Variants in CSMD1 observed in about 807,000 individuals in gnomAD.
CSMD1 encodes the protein CUB and sushi domain-containing protein 1.
A neutral mutation model predicts 417.5 loss-of-function variants in CSMD1; 213 were observed. That is an observed-to-expected ratio of 0.51 (90% CI 0.46 to 0.57). The LOEUF (loss-of-function observed/expected upper bound fraction) is 0.57, where lower values mean the gene tolerates loss of function less well. Among genes scored for constraint, CSMD1 ranks in the 20% least tolerant of loss-of-function variants. The pLI, the probability that CSMD1 is intolerant of heterozygous loss-of-function variation, is 0.00. For missense variants in CSMD1, 6,923 were observed against 4,529.7 expected, an observed-to-expected ratio of 1.53 and a Z score of -15.17; for synonymous variants, 2,862 against 1,736.8, an observed-to-expected ratio of 1.65 and a Z score of -16.11.
chr8:3,714,208 T>C (rs1384452797), intron 6 of CSMD1, among the ~76,000 whole-genome samples: 1 of 150,812 alleles, frequency 6.6e-6, no homozygotes, highest in African/African-American at 2.4e-5. Context: ...ATATAACATA[T>C]AAATGAATCT....
At chr8:3,635,504 G>C (rs553477495) in intron 7 of CSMD1, among the ~76,000 whole-genome samples, 1 of 132,008 alleles carries the variant, frequency 7.6e-6, no homozygotes, top group East Asian at 2.4e-4. Context: ...TTTTTTTTGA[G>C]ACAGAAACTC....
At chr8:2,999,279 C>G (rs1296839061) in intron 53 of CSMD1, among the ~76,000 whole-genome samples, 1 of 151,524 alleles carries the variant, frequency 6.6e-6, no homozygotes, top group African/African-American at 2.4e-5. Context: ...TTCAGCCCCT[C>G]CTAGTAGCTG....
intron 3 of CSMD1, among the ~76,000 whole-genome samples, chr8:4,249,329 A>G (rs577067835): frequency 5.3e-5 from 8 of 152,204 alleles, no homozygotes; most frequent in Non-Finnish European, 8.8e-5. Context: ...ACTTGTTTCT[A>G]AGAGGATGGA....
intron 19 of CSMD1, 42 bp from the exon 20 acceptor site, chr8:3,367,289 G>C (rs758391997): frequency 2.1e-6 from 3 of 1,431,304 alleles, no homozygotes; most frequent in Non-Finnish European, 2.9e-6. Flanking sequence ...GACAGAGAGA[G>C]ACACACGGGG....
At chr8:3,953,676 T>C (rs1811734332) in intron 5 of CSMD1, among the ~76,000 whole-genome samples, 1 of 151,808 alleles carries the variant, frequency 6.6e-6, no homozygotes, top group South Asian at 2.1e-4. Context: ...CCTGGGGAAG[T>C]GATGGCGGGG....
At chr8:4,244,774 A>G (rs1016378984) in intron 3 of CSMD1, among the ~76,000 whole-genome samples, 1 of 152,150 alleles carries the variant, frequency 6.6e-6, no homozygotes. Context: ...AAAGAAAAAG[A>G]GAAGGGATAT....
At chr8:4,010,064 G>T (rs937560998) in intron 4 of CSMD1, among the ~76,000 whole-genome samples, 1 of 152,142 alleles carries the variant, frequency 6.6e-6, no homozygotes, top group African/African-American at 2.4e-5. Flanking sequence ...ATTATAAACA[G>T]AATTTCCTAC....
Position 3,348,099 on chromosome 8 carries a change from T to C in CSMD1, c.3367A>G (p.Asn1123Asp), listed in dbSNP as rs1376103681. ...GTLLSPNFPS[N>D]YDNNHECIYK... ...ATACACTCATGGTTATTATCATAAT[T>C]GGATGGAAAATTTGGAGACAGTAAT... Residue 1123 changes from asparagine (N) to aspartate (D), a missense_variant, in exon 22 of 70, where the codon AAT becomes GAT. Transcript: ENST00000635120. The C allele has an allele frequency of 1.2e-6, 2 of 1,612,786 alleles. No individual in the cohort carries two copies. Among genetic ancestry groups the C allele is most frequent in the African/African-American group, 2.7e-5 (2 of 74,890 alleles).
chr8:4,244,267 G>A (rs962267004), intron 3 of CSMD1, among the ~76,000 whole-genome samples: 2 of 152,178 alleles, frequency 1.3e-5, no homozygotes, highest in East Asian at 1.9e-4. Context: ...GGGGCACTGA[G>A]AGCAGGCCCC....
Position 3,647,695 on chromosome 8 carries a change from CAT to C in CSMD1, c.1010-30900_1010-30899del, listed in dbSNP as rs1333124861. 4.6e-5 allele frequency among the ~76,000 whole-genome samples: 7 copies of C among 152,208 alleles called. No individual in the cohort carries two copies. The South Asian group carries it at 1.5e-3, about 32-fold the overall frequency. ...AAGTTTTAGTACAGTTATTGTAAGA[CAT>C]TGATTTTCTTTGGAGAAAACAAACG... On this transcript the variant is annotated intron_variant, in intron 7 of 69. Transcript: ENST00000635120.
rs148793768 is a variant in CSMD1, at chr8:4,281,854, C to T, written c.415+138099G>A. Among the ~76,000 whole-genome samples the T allele has an allele frequency of 4.3e-4, 66 of 152,276 alleles. No individual in the cohort carries two copies. The Middle Eastern group carries it at 0.01, about 24-fold the overall frequency. Reference sequence around the variant, plus strand: ...AGAGCTGCCTCATAAACACACCTAACATGCATTAAAAAAATGTTTTGCAAA... The same window carrying T: ...AGAGCTGCCTCATAAACACACCTAATATGCATTAAAAAAATGTTTTGCAAA... On this transcript the variant is annotated intron_variant, in intron 3 of 69. Transcript: ENST00000635120.
intron 3 of CSMD1, among the ~76,000 whole-genome samples, chr8:4,223,701 TA>T (rs1378868850): frequency 6.6e-6 from 1 of 152,236 alleles, no homozygotes; most frequent in Non-Finnish European, 1.5e-5. Context: ...AGAGCCTGAA[TA>T]TTTTTTTGTT....
chr8:4,864,850 A>G (rs1359960344), intron 1 of CSMD1, among the ~76,000 whole-genome samples: 1 of 145,556 alleles, frequency 6.9e-6, no homozygotes. Flanking sequence ...AATTGGCCTA[A>G]TATCACTGAA....
chr8:3,749,122 T>C (rs1046891498), intron 6 of CSMD1, among the ~76,000 whole-genome samples: 1 of 152,184 alleles, frequency 6.6e-6, no homozygotes, highest in Admixed American at 6.5e-5. Context: ...AAAAAATTTA[T>C]CTTGTAGACA....
Position 4,153,260 on chromosome 8 carries a change from GC to G in CSMD1, c.416-121162del, listed in dbSNP as rs1796664053. On this transcript the variant is annotated intron_variant, in intron 3 of 69. Transcript: ENST00000635120. ...GAGTATGCCAGAAATGATACATACG[GC>G]TATAAAGACAGAGTGTCCAAGTTTG... Among the ~76,000 whole-genome samples the G allele has an allele frequency of 3.3e-5, 5 of 152,290 alleles. No individual in the cohort carries two copies. In the South Asian group the frequency reaches 1.0e-3, roughly 32 times the overall value.
At chr8:3,760,743 G>A (rs889791856) in intron 5 of CSMD1, among the ~76,000 whole-genome samples, 9 of 152,148 alleles carry the variant, frequency 5.9e-5, no homozygotes, top group African/African-American at 1.7e-4. Context: ...GATTTCTTAT[G>A]TCTTTAGAAA....
chr8:3,514,391 C>A (rs1181337978), intron 10 of CSMD1, among the ~76,000 whole-genome samples: 1 of 152,186 alleles, frequency 6.6e-6, no homozygotes, highest in Non-Finnish European at 1.5e-5. Flanking sequence ...ATACAACATG[C>A]AATCTCTTGG....
At chr8:3,105,156 G>T (rs1451614442) in intron 46 of CSMD1, among the ~76,000 whole-genome samples, 1 of 152,164 alleles carries the variant, frequency 6.6e-6, no homozygotes, top group Non-Finnish European at 1.5e-5. Flanking sequence ...TTTAATACTC[G>T]GTGAGTCTTT....
chr8:3,353,578 A>G (rs569576072), intron 21 of CSMD1, among the ~76,000 whole-genome samples: 33 of 152,360 alleles, frequency 2.2e-4, no homozygotes, highest in African/African-American at 6.3e-4. Context: ...ACGTAATTTA[A>G]TAAGACACTG....
Sources: gnomAD v4.1 joint callset for allele counts (sites outside exome capture counted in the v4.1 genomes callset) on GRCh38, gnomAD v4.1.1 for gene constraint, MANE v1.5 for transcripts, NCBI Gene and HGNC (gene_info 2026-07-23, HGNC 2026-07-21) for gene names.